CALN1: variants seen among roughly 807,000 people sequenced by gnomAD.
CALN1 encodes calneuron 1.
In CALN1, 17 loss-of-function variants were observed where a neutral mutation model predicts 30.6. The observed-to-expected ratio is 0.56, with a 90% CI of 0.38 to 0.83. The LOEUF is 0.83. CALN1 is among the 40% of genes least tolerant of loss of function. The pLI is 0.00. For synonymous variants in CALN1, 156 were observed against 131.4 expected (o/e 1.19, Z -1.28); for missense variants, 291 against 354.9 (o/e 0.82, Z 1.45).
chr7:72,300,346 G>C (rs1330680644), intron 2 of CALN1, among the ~76,000 whole-genome samples: 2 of 150,568 alleles, frequency 1.3e-5, no homozygotes, highest in African/African-American at 4.9e-5. Flanking sequence ...TTTTCAGTCT[G>C]TCCTGAGATG....
intron 2 of CALN1, among the ~76,000 whole-genome samples, chr7:72,369,704 T>C (rs1416545071): frequency 3.9e-5 from 6 of 152,204 alleles, no homozygotes; most frequent in Non-Finnish European, 7.3e-5. Flanking sequence ...ATAGTTTGCA[T>C]TTCCTAGAAG....
intron 5 of CALN1, among the ~76,000 whole-genome samples, chr7:71,850,456 G>A (rs2116582632): frequency 6.6e-6 from 1 of 152,318 alleles, no homozygotes; most frequent in Middle Eastern, 3.4e-3. Flanking sequence ...GACCTCAGAT[G>A]ATTCACCTGC....
intron 5 of CALN1, among the ~76,000 whole-genome samples, chr7:72,005,279 C>T (rs572238592): frequency 6.6e-6 from 1 of 152,254 alleles, no homozygotes; most frequent in South Asian, 2.1e-4. Context: ...AAGTTTCATA[C>T]CATGAAACAG....
At chr7:72,405,253 C>T (rs991364160) in intron 1 of CALN1, among the ~76,000 whole-genome samples, 3 of 152,236 alleles carry the variant, frequency 2.0e-5, no homozygotes, top group African/African-American at 4.8e-5. Context: ...GTGCAACGCA[C>T]CCATGCAACA....
chr7:72,204,398 C>T (rs1791679441), intron 3 of CALN1, among the ~76,000 whole-genome samples: 1 of 151,976 alleles, frequency 6.6e-6, no homozygotes, highest in Non-Finnish European at 1.5e-5. Context: ...AAAAAAATCT[C>T]CAACAATATT....
chr7:72,079,338 G>A (rs551818522), intron 4 of CALN1, among the ~76,000 whole-genome samples: 1 of 152,238 alleles, frequency 6.6e-6, no homozygotes, highest in South Asian at 2.1e-4. Flanking sequence ...TATGTAAGAG[G>A]AGTCTATTCC....
chr7:72,388,651 T>C (rs1320235174), intron 2 of CALN1, among the ~76,000 whole-genome samples: 3 of 152,200 alleles, frequency 2.0e-5, no homozygotes, highest in African/African-American at 7.2e-5. Context: ...TTTATTCTCA[T>C]ATTGTCTCCC....
chr7:72,129,426 G>A (rs1268619239), intron 3 of CALN1, among the ~76,000 whole-genome samples: 11 of 152,138 alleles, frequency 7.2e-5, no homozygotes, highest in Non-Finnish European at 1.5e-4. Context: ...GCTAGTGGCT[G>A]TAATATTGTG....
intron 3 of CALN1, among the ~76,000 whole-genome samples, chr7:72,245,618 CTAAA>C (rs36174609): frequency 0.28 from 40,208 of 143,180 alleles, 6,075 homozygotes; most frequent in Middle Eastern, 0.39. Flanking sequence ...AACTCCATCT[CTAAA>C]TAAATAAATA....
intron 2 of CALN1, among the ~76,000 whole-genome samples, chr7:72,334,320 C>T (rs1463440114): frequency 1.3e-5 from 2 of 152,202 alleles, no homozygotes; most frequent in African/African-American, 4.8e-5. Flanking sequence ...GACACCACTG[C>T]ACACACCACA....
intron 4 of CALN1, among the ~76,000 whole-genome samples, chr7:72,073,985 A>G (rs1019405277): frequency 8.5e-5 from 13 of 152,228 alleles, no homozygotes; most frequent in African/African-American, 3.1e-4. Context: ...AAAAGCCACC[A>G]TGCCTGGCCT....
intron 2 of CALN1, among the ~76,000 whole-genome samples, chr7:72,391,628 C>T (rs539343839): frequency 1.4e-3 from 207 of 152,270 alleles, no homozygotes; most frequent in African/African-American, 4.9e-3. Context: ...AGGGGGTTTC[C>T]CTCATACTGT....
At chr7:72,376,216 A>T (rs2944789) in intron 2 of CALN1, among the ~76,000 whole-genome samples, 149,870 of 152,340 alleles carry the variant, frequency 0.98, 73,760 homozygotes, top group Middle Eastern at 1. Flanking sequence ...ATATACAAGT[A>T]TTTGTGTGAA....
chr7:72,323,732 C>T (rs1257350900), intron 2 of CALN1, among the ~76,000 whole-genome samples: 2 of 151,768 alleles, frequency 1.3e-5, no homozygotes, highest in Non-Finnish European at 2.9e-5. Flanking sequence ...GTTGCCTTCC[C>T]CAAACTCAAC....
At chr7:71,835,210 C>A (rs116183302) in intron 5 of CALN1, among the ~76,000 whole-genome samples, 2,765 of 152,290 alleles carry the variant, frequency 0.018, 74 homozygotes, top group African/African-American at 0.062. Context: ...GTTTTGGTAA[C>A]TGATCACAAA....
chr7:72,026,610 CTTGCT>C (rs1801074500), intron 4 of CALN1, among the ~76,000 whole-genome samples: 1 of 151,820 alleles, frequency 6.6e-6, no homozygotes, highest in East Asian at 2.0e-4. Flanking sequence ...GAGAGGGGGT[CTTGCT>C]ATGTTGCCCA....
chr7:72,107,059 A>AG (rs1332847943), intron 3 of CALN1, among the ~76,000 whole-genome samples: 1 of 152,134 alleles, frequency 6.6e-6, no homozygotes, highest in Admixed American at 6.5e-5. Context: ...GAAGGGAGGG[A>AG]GGAGGCAGCT....
chr7:72,363,533 C>G (rs1214127623), intron 2 of CALN1, among the ~76,000 whole-genome samples: 1 of 151,836 alleles, frequency 6.6e-6, no homozygotes, highest in Non-Finnish European at 1.5e-5. Flanking sequence ...GCCACTGCAC[C>G]TGGCCTAATT....
intron 3 of CALN1, among the ~76,000 whole-genome samples, chr7:72,263,888 T>C (rs1796440897): frequency 6.6e-6 from 1 of 152,146 alleles, no homozygotes; most frequent in Non-Finnish European, 1.5e-5. Flanking sequence ...CCCCCCAAAT[T>C]AATGTCCTCC....
Sources: allele counts gnomAD v4.1 joint callset (sites outside exome capture counted in the v4.1 genomes callset), GRCh38; gene constraint gnomAD v4.1.1; transcripts MANE v1.5; gene names NCBI Gene and HGNC (gene_info 2026-07-23, HGNC 2026-07-21).